MAPK10: variants seen among roughly 807,000 people sequenced by gnomAD.
MAPK10 encodes JNK3 alpha protein kinase.
In MAPK10, 25 loss-of-function variants were observed where a neutral mutation model predicts 59.3. That is an observed-to-expected ratio of 0.42 (90% CI 0.31 to 0.59). MAPK10 has a LOEUF of 0.59. Ranked by LOEUF, MAPK10 falls within the 20% of genes least tolerant of loss-of-function variation. The pLI is 0.15. For synonymous variants in MAPK10, 190 were observed against 200.5 expected, an observed-to-expected ratio of 0.95 and a Z score of 0.44; for missense variants, 351 against 568.9, an observed-to-expected ratio of 0.62 and a Z score of 3.90.
At chr4:86,364,667 C>T (rs541093816), upstream of MAPK10, among the ~76,000 whole-genome samples, 1 of 152,274 alleles carries the variant, frequency 6.6e-6, no homozygotes, top group Admixed American at 6.5e-5. Flanking sequence ...CTAAATATTT[C>T]CCATTCCCGG....
chr4:86,123,921 CATTTT>C (rs1470555956), intron 4 of MAPK10: 2 of 151,956 alleles, frequency 1.3e-5, no homozygotes, highest in African/African-American at 4.8e-5. Flanking sequence ...TACTTTATTT[CATTTT>C]ATCATATGCC....
At chr4:86,371,649 G>T (rs1269402791) in intron 1 of MAPK10, among the ~76,000 whole-genome samples, 1 of 152,140 alleles carries the variant, frequency 6.6e-6, no homozygotes, top group Non-Finnish European at 1.5e-5. Flanking sequence ...AATACAGCAT[G>T]CAGGTGATTT....
intron 2 of MAPK10, among the ~76,000 whole-genome samples, chr4:86,285,555 A>G (rs1278018655): frequency 1.3e-5 from 2 of 152,122 alleles, no homozygotes; most frequent in Non-Finnish European, 2.9e-5. Context: ...TTCTTTACGT[A>G]CAACTCAGAT....
At chr4:86,200,366 C>A (rs2082336082) in intron 2 of MAPK10, among the ~76,000 whole-genome samples, 1 of 151,980 alleles carries the variant, frequency 6.6e-6, no homozygotes, top group African/African-American at 2.4e-5. Flanking sequence ...TAACTTCTTT[C>A]ATTATAAATT....
At chr4:86,100,177 A>T (rs2055075172) in intron 8 of MAPK10, 1 of 152,188 alleles carries the variant, frequency 6.6e-6, no homozygotes, top group South Asian at 2.1e-4. Flanking sequence ...AATATTAAAG[A>T]TACACTGAAT....
chr4:86,545,570 T>C (rs1381590221), intron 1 of MAPK10, among the ~76,000 whole-genome samples: 1 of 152,130 alleles, frequency 6.6e-6, no homozygotes, highest in Non-Finnish European at 1.5e-5. Flanking sequence ...TTGATAGCAT[T>C]GTGTGTAAAT....
At chr4:86,216,259 T>C (rs2087534034) in intron 2 of MAPK10, among the ~76,000 whole-genome samples, 1 of 122,138 alleles carries the variant, frequency 8.2e-6, no homozygotes, top group Admixed American at 7.6e-5. Flanking sequence ...AAATGTGCTA[T>C]ATATATATAT....
In MAPK10 at chr4:86,239,498, G is replaced by A. The variant is rs566046817; in HGVS notation, c.-6-45091C>T. ...GTCCTGGGCTTTTTTTTGGTTGGTAGGCTGTTAATTACAACCTCAATTTCA... is the reference window on the plus strand; with the variant it reads ...GTCCTGGGCTTTTTTTTGGTTGGTAAGCTGTTAATTACAACCTCAATTTCA... On this transcript the variant is annotated intron_variant, in intron 2 of 13. Coordinates refer to ENST00000641462, the MANE Select transcript of MAPK10 (RefSeq NM_138982.4). Among the ~76,000 whole-genome samples the A allele has an allele frequency of 2.9e-3, 445 of 152,070 alleles. 4 individuals are homozygous for A. Among genetic ancestry groups the A allele is most frequent in the African/African-American group, 0.01 (434 of 41,494 alleles).
At chr4:86,239,148 T>C (rs1450322691) in intron 2 of MAPK10, among the ~76,000 whole-genome samples, 1 of 152,204 alleles carries the variant, frequency 6.6e-6, no homozygotes, top group African/African-American at 2.4e-5. Context: ...ATAGATTACA[T>C]GTATTGATTT....
chr4:86,331,821 AACAAATGTACAATGTG>A lies in MAPK10; in HGVS notation c.-7+22693_-7+22708del, dbSNP rs531866461. On this transcript the variant is annotated intron_variant, in intron 2 of 13. Coordinates refer to ENST00000641462, the MANE Select transcript of MAPK10 (RefSeq NM_138982.4). ...TGAAATATGCTTTATAGGTAATGTG[AACAAATGTACAATGTG>A]ACAAATGATTCAAGAAGTATAATTA... is the stretch of plus-strand genomic sequence containing the variant. Among the ~76,000 whole-genome samples the A allele has an allele frequency of 2.1e-3, 323 of 152,308 alleles. 1 individual carries two copies. The highest frequency in any genetic ancestry group is 3.7e-3 in the Non-Finnish European group (252 of 68,030).
intron 9 of MAPK10, among the ~76,000 whole-genome samples, chr4:86,093,136 TAAAG>T (rs1331372590): frequency 4.6e-5 from 7 of 151,936 alleles, no homozygotes; most frequent in African/African-American, 1.4e-4. Flanking sequence ...TCTAAATAAA[TAAAG>T]AACTATATTG....
At chr4:86,062,860 A>G (rs2045990444) in intron 11 of MAPK10, among the ~76,000 whole-genome samples, 1 of 152,154 alleles carries the variant, frequency 6.6e-6, no homozygotes, top group Non-Finnish European at 1.5e-5. Context: ...GGAGACTGGA[A>G]GAGGTTCTAT....
At chr4:86,110,620 G>A (rs781552684) in intron 4 of MAPK10, among the ~76,000 whole-genome samples, 12 of 152,144 alleles carry the variant, frequency 7.9e-5, no homozygotes, top group Admixed American at 5.2e-4. Context: ...TTACCATGCT[G>A]TTTTGGTTAT....
chr4:86,030,963 A>G lies in MAPK10; in HGVS notation c.1174+405T>C, dbSNP rs182579396. On this transcript the variant is annotated intron_variant, in intron 12 of 13. Transcript: ENST00000641462. ...TAAACTCATATATTGACTATCTTTT[A>G]TTTTCTAAAGTCTAAAACCATCTCA... 6.4e-4 allele frequency among the ~76,000 whole-genome samples: 98 copies of G among 152,294 alleles called. 4 individuals carry two copies. The East Asian group carries it at 7.9e-3, about 12-fold the overall frequency.
chr4:86,074,128 G>A (rs1435176005), intron 9 of MAPK10, among the ~76,000 whole-genome samples: 1 of 113,390 alleles, frequency 8.8e-6, no homozygotes, highest in Admixed American at 8.1e-5. Context: ...TTGTTGAATT[G>A]ATCCCTTTAC....
chr4:86,107,212 A>G lies in MAPK10; in HGVS notation c.366+11T>C. 1 of 1,605,514 alleles carries G rather than the reference A, an allele frequency of 6.2e-7. No homozygotes were observed. Among genetic ancestry groups the G allele is most frequent in the South Asian group, 1.1e-5 (1 of 89,432 alleles). ...TCCCACTGCCAGAAGTTTAAAAATAACAAAACTCACGTTTTTATGGTTCAC... is the reference window on the plus strand; with the variant it reads ...TCCCACTGCCAGAAGTTTAAAAATAGCAAAACTCACGTTTTTATGGTTCAC... On this transcript the variant is annotated intron_variant, in intron 5 of 13. Coordinates refer to ENST00000641462, the MANE Select transcript of MAPK10 (RefSeq NM_138982.4).
intron 2 of MAPK10, among the ~76,000 whole-genome samples, chr4:86,229,566 C>T (rs948035015): frequency 4.6e-5 from 7 of 151,944 alleles, no homozygotes; most frequent in Non-Finnish European, 8.8e-5. Context: ...ACTAATATGG[C>T]CTGTGTTATG....
At chr4:86,515,198 C>G (rs1317007951) in intron 1 of MAPK10, among the ~76,000 whole-genome samples, 1 of 152,154 alleles carries the variant, frequency 6.6e-6, no homozygotes, top group Non-Finnish European at 1.5e-5. Flanking sequence ...TGTAAAATAG[C>G]TGAGTAGTAT....
intron 1 of MAPK10, among the ~76,000 whole-genome samples, chr4:86,461,124 T>C (rs958482497): frequency 6.4e-5 from 3 of 46,520 alleles, no homozygotes; most frequent in African/African-American, 2.0e-4. Context: ...GACACCTGAG[T>C]ACTCTTTTTT....
Sources: gnomAD v4.1 joint callset for allele counts (sites outside exome capture counted in the v4.1 genomes callset) on GRCh38, gnomAD v4.1.1 for gene constraint, MANE v1.5 for transcripts, NCBI Gene and HGNC (gene_info 2026-07-23, HGNC 2026-07-21) for gene names.